PTPRD: variants seen among roughly 807,000 people sequenced by gnomAD.
PTPRD encodes protein tyrosine phosphatase receptor type D, also known as receptor-type tyrosine-protein phosphatase delta.
Under a neutral mutation model 214.5 loss-of-function variants are expected in PTPRD, and 34 were observed. The ratio of observed to expected loss-of-function variants is 0.16; its 90% CI spans 0.12 to 0.21. PTPRD has a LOEUF of 0.21. Ranked by LOEUF, PTPRD falls within the 10% of genes least tolerant of loss-of-function variation. The pLI is 1.00. For missense variants in PTPRD, 2,545 were observed against 2,398.7 expected (o/e 1.06, Z -1.27); for synonymous variants, 1,128 against 845.7 (o/e 1.33, Z -5.79).
intron 17 of PTPRD, 69 bp downstream of exon 17, chr9:8,526,558 G>T: frequency 7.3e-7 from 1 of 1,372,770 alleles, no homozygotes; most frequent in Non-Finnish European, 9.9e-7. Context: ...ACAGGACAAA[G>T]ATGAGAGGGA....
chr9:8,763,271 G>T (rs754102315), intron 11 of PTPRD, among the ~76,000 whole-genome samples: 3 of 152,096 alleles, frequency 2.0e-5, no homozygotes, highest in Non-Finnish European at 4.4e-5. Context: ...CAGCACTTTG[G>T]GAGGCCGAGT....
chr9:9,234,151 T>C (rs780046185), intron 9 of PTPRD, among the ~76,000 whole-genome samples: 1 of 152,212 alleles, frequency 6.6e-6, no homozygotes, highest in Non-Finnish European at 1.5e-5. Context: ...ATCTGAAATC[T>C]AGGTGGAGGT....
chr9:10,394,957 C>CTTTTT (rs34786789), intron 2 of PTPRD, among the ~76,000 whole-genome samples: 6 of 133,210 alleles, frequency 4.5e-5, no homozygotes, highest in East Asian at 2.4e-4. Context: ...TTTTCTTTTT[C>CTTTTT]TTTTTTTTTT....
At chr9:9,829,094 A>T (rs2053959243) in intron 5 of PTPRD, among the ~76,000 whole-genome samples, 1 of 151,916 alleles carries the variant, frequency 6.6e-6, no homozygotes, top group South Asian at 2.1e-4. Flanking sequence ...AACATATTTT[A>T]CATTTATCTA....
At chr9:9,306,129 A>G (rs981473631) in intron 9 of PTPRD, among the ~76,000 whole-genome samples, 17 of 152,186 alleles carry the variant, frequency 1.1e-4, no homozygotes, top group African/African-American at 3.9e-4. Context: ...AAACCTTGGC[A>G]GTTGCCTTTG....
At chr9:10,035,031 T>TG (rs2097152727) in intron 3 of PTPRD, among the ~76,000 whole-genome samples, 1 of 152,202 alleles carries the variant, frequency 6.6e-6, no homozygotes, top group South Asian at 2.1e-4. Flanking sequence ...GTCTCCACAC[T>TG]GTCTTCCACT....
chr9:9,794,833 G>A (rs2098991868), intron 5 of PTPRD, among the ~76,000 whole-genome samples: 1 of 152,194 alleles, frequency 6.6e-6, no homozygotes, highest in South Asian at 2.1e-4. Flanking sequence ...GACTAGAATG[G>A]TGTTTTAAAA....
chr9:9,323,442 G>C (rs1167907492), intron 9 of PTPRD, among the ~76,000 whole-genome samples: 1 of 152,136 alleles, frequency 6.6e-6, no homozygotes, highest in Non-Finnish European at 1.5e-5. Context: ...TAAGTAATAT[G>C]CCAATGCTAA....
At chr9:9,071,953 G>C (rs2099744350) in intron 10 of PTPRD, among the ~76,000 whole-genome samples, 2 of 152,140 alleles carry the variant, frequency 1.3e-5, no homozygotes, top group South Asian at 4.1e-4. Context: ...ATGGTCTGCT[G>C]TTTTGCAGTC....
intron 2 of PTPRD, among the ~76,000 whole-genome samples, chr9:10,410,270 T>TATATATATATACAC (rs532202941): frequency 2.1e-4 from 30 of 139,850 alleles, no homozygotes; most frequent in African/African-American, 7.4e-4. Context: ...TATATATATA[T>TATATATATATACAC]ACACACACAC....
intron 5 of PTPRD, among the ~76,000 whole-genome samples, chr9:9,934,199 G>A (rs1413817892): frequency 6.8e-6 from 1 of 147,910 alleles, no homozygotes; most frequent in African/African-American, 2.6e-5. Flanking sequence ...ACATTCAAAA[G>A]CTAGCAGAAG....
chr9:9,874,241 T>C (rs962815521), intron 5 of PTPRD, among the ~76,000 whole-genome samples: 1 of 152,188 alleles, frequency 6.6e-6, no homozygotes, highest in Non-Finnish European at 1.5e-5. Flanking sequence ...GAGAGGGCTA[T>C]GTATACAGGG....
At chr9:9,258,365 T>A (rs1394441138) in intron 9 of PTPRD, among the ~76,000 whole-genome samples, 5 of 151,902 alleles carry the variant, frequency 3.3e-5, no homozygotes, top group African/African-American at 1.2e-4. Context: ...CTGGCTATTA[T>A]GGTTTGTAAT....
intron 14 of PTPRD, among the ~76,000 whole-genome samples, chr9:8,598,177 G>C (rs1425456832): frequency 6.6e-6 from 1 of 152,128 alleles, no homozygotes. Context: ...TTTCTACAAT[G>C]AGATTATTGT....
At chr9:9,861,036 T>C (rs557684720) in intron 5 of PTPRD, among the ~76,000 whole-genome samples, 1 of 152,268 alleles carries the variant, frequency 6.6e-6, no homozygotes, top group Admixed American at 6.5e-5. Context: ...AATTAGGCAA[T>C]TATTTTTTAA....
intron 3 of PTPRD, among the ~76,000 whole-genome samples, chr9:10,139,056 G>C (rs2098963044): frequency 6.6e-6 from 1 of 151,830 alleles, no homozygotes; most frequent in South Asian, 2.1e-4. Context: ...TCAAGCAAGA[G>C]AAAAAAATAA....
intron 3 of PTPRD, among the ~76,000 whole-genome samples, chr9:10,331,049 C>A (rs1489248569): frequency 6.6e-6 from 1 of 151,800 alleles, no homozygotes; most frequent in Non-Finnish European, 1.5e-5. Flanking sequence ...CCTAATGGTT[C>A]AGCTGACTTA....
chr9:8,606,256 C>T (rs1345475765), intron 14 of PTPRD, among the ~76,000 whole-genome samples: 2 of 152,034 alleles, frequency 1.3e-5, no homozygotes, highest in Non-Finnish European at 2.9e-5. Context: ...CACACACACC[C>T]CCTCACAGTA....
chr9:8,739,523 T>C (rs2091371904), intron 11 of PTPRD, among the ~76,000 whole-genome samples: 2 of 152,184 alleles, frequency 1.3e-5, no homozygotes, highest in African/African-American at 4.8e-5. Flanking sequence ...GCTACCCTAT[T>C]GGACAGCACA....
Sources: allele counts gnomAD v4.1 joint callset (sites outside exome capture counted in the v4.1 genomes callset), GRCh38; gene constraint gnomAD v4.1.1; transcripts MANE v1.5; gene names NCBI Gene and HGNC (gene_info 2026-07-23, HGNC 2026-07-21).